Variants in BBS2 observed in about 807,000 individuals in gnomAD.
The protein encoded by BBS2 is Bardet-Biedl syndrome 2, also known as BBSome complex member BBS2.
Under a neutral mutation model 83.0 loss-of-function variants are expected in BBS2, and 62 were observed. The observed-to-expected ratio is 0.75, with a 90% CI of 0.61 to 0.92. The LOEUF (loss-of-function observed/expected upper bound fraction) is 0.92. BBS2 is among the 40% of genes least tolerant of loss of function. BBS2 has a pLI of 0.00. For synonymous variants in BBS2, 303 were observed against 326.1 expected, an observed-to-expected ratio of 0.93 and a Z score of 0.76; for missense variants, 784 against 901.0, an observed-to-expected ratio of 0.87 and a Z score of 1.66.
At chr16:56,516,561 T>G (rs1964754650) in intron 1 of BBS2, among the ~76,000 whole-genome samples, 1 of 152,100 alleles carries the variant, frequency 6.6e-6, no homozygotes. Flanking sequence ...TACGCCCAGC[T>G]AATTTTTGTA....
chr16:56,510,298 T>C (rs1257681603), intron 4 of BBS2, among the ~76,000 whole-genome samples: 1 of 152,196 alleles, frequency 6.6e-6, no homozygotes, highest in Non-Finnish European at 1.5e-5. Flanking sequence ...CCTGAGTACC[T>C]GAAAAGGCTC....
At position 56,519,934 on chromosome 16, in the gene BBS2, G is replaced by T. The variant is rs989121506; in HGVS notation, c.-72C>A. 3 of 1,339,476 alleles carry T rather than the reference G, an allele frequency of 2.2e-6. No homozygotes were observed. Among genetic ancestry groups the T allele is most frequent in the African/African-American group, 1.4e-5 (1 of 69,348 alleles). 83.0% of individuals were successfully genotyped at this position (1,339,476 alleles called of 1,614,324 possible). On this transcript the variant is annotated 5_prime_UTR_variant, in exon 1 of 17. Coordinates refer to ENST00000245157, the MANE Select transcript of BBS2 (RefSeq NM_031885.5). Reference sequence around the variant, plus strand: ...CAGCGGAGCTGGCCTCACGCGCCCGGGCAAGAAGTGCAGGGACACTACCTG... The same window carrying T: ...CAGCGGAGCTGGCCTCACGCGCCCGTGCAAGAAGTGCAGGGACACTACCTG...
In BBS2 at chr16:56,502,407, G is replaced by A. The variant is rs2144148961; in HGVS notation, c.990C>T (p.Asp330=). 2 of 1,614,212 alleles carry A rather than the reference G, an allele frequency of 1.2e-6. No homozygotes were observed. The highest frequency in any genetic ancestry group is 1.7e-6 in the Non-Finnish European group (2 of 1,180,036). The change falls in exon 9 of 17, where the codon GAC becomes GAT. Residue 330 remains aspartate (D), a synonymous_variant. Transcript: ENST00000245157. The part of the protein sequence containing the change: ...GTAEMRGNLM[D]TSAEQDLIRE... Reference sequence around the variant, plus strand: ...GGATCAGGTCCTGCTCTGCACTGGTGTCCATGAGGTTGCCCCTCATCTCAG... The same window carrying A: ...GGATCAGGTCCTGCTCTGCACTGGTATCCATGAGGTTGCCCCTCATCTCAG...
At chr16:56,492,621 G>A (rs1009677400) in intron 15 of BBS2, among the ~76,000 whole-genome samples, 2 of 152,120 alleles carry the variant, frequency 1.3e-5, no homozygotes, top group South Asian at 4.1e-4. Context: ...TTAAAAATGT[G>A]TTAAGAAGGT....
At chr16:56,497,234 C>A in intron 14 of BBS2, 155 bp from the exon 15 acceptor site, 1 of 685,132 alleles carries the variant, frequency 1.5e-6, no homozygotes, top group Non-Finnish European at 2.7e-6. Context: ...ATCTCTGTCT[C>A]AACAAGTTAA....
chr16:56,492,606 T>C (rs893888919), intron 15 of BBS2, among the ~76,000 whole-genome samples: 10 of 152,218 alleles, frequency 6.6e-5, no homozygotes, highest in Non-Finnish European at 1.2e-4. Context: ...TAATGTATTA[T>C]ACACTTAAAA....
chr16:56,494,317 G>C (rs569357923), intron 15 of BBS2, among the ~76,000 whole-genome samples: 1 of 151,346 alleles, frequency 6.6e-6, no homozygotes, highest in Non-Finnish European at 1.5e-5. Flanking sequence ...TAATAAAATC[G>C]AAGAGCCTAT....
intron 15 of BBS2, among the ~76,000 whole-genome samples, chr16:56,490,400 G>A (rs986742801): frequency 3.3e-5 from 5 of 152,058 alleles, no homozygotes; most frequent in South Asian, 4.1e-4. Flanking sequence ...GCTCACACCC[G>A]TAATCCCAGC....
chr16:56,484,005 TA>T (rs1963705262), downstream of BBS2, among the ~76,000 whole-genome samples: 1 of 92,802 alleles, frequency 1.1e-5, no homozygotes. Context: ...TCAGCCCAAA[TA>T]TTTTTTTTTT....
At chr16:56,475,381 T>C (rs978040703) in intron 17 of BBS2, 2 of 856,422 alleles carry the variant, frequency 2.3e-6, no homozygotes, top group Admixed American at 3.9e-5. Context: ...TCATAAGTCA[T>C]AGAACCAGTT....
At chr16:56,492,275 A>G (rs1963977516) in intron 15 of BBS2, among the ~76,000 whole-genome samples, 1 of 152,212 alleles carries the variant, frequency 6.6e-6, no homozygotes. Flanking sequence ...GTTCATCAAC[A>G]GGTGAATGGA....
intron 9 of BBS2, 23 bp downstream of exon 9, chr16:56,502,294 G>C: frequency 2.5e-6 from 4 of 1,613,908 alleles, no homozygotes; most frequent in Non-Finnish European, 3.4e-6. Context: ...CCATTACCTG[G>C]TCACATTAGG....
intron 7 of BBS2, among the ~76,000 whole-genome samples, chr16:56,503,742 AC>A (rs1368125804): frequency 7.2e-5 from 11 of 152,246 alleles, no homozygotes; most frequent in African/African-American, 1.9e-4. Context: ...ACATGGTGAA[AC>A]CCTGTCTGTA....
intron 15 of BBS2, 91 bp from the exon 16 acceptor site, chr16:56,485,829 GAC>G: frequency 6.7e-6 from 8 of 1,191,642 alleles, no homozygotes; most frequent in Non-Finnish European, 9.9e-6. Flanking sequence ...ACAAAGAAAA[GAC>G]ACCATTTTTA....
chr16:56,485,834 C>T, intron 15 of BBS2, 96 bp from the exon 16 acceptor site: 2 of 1,095,496 alleles, frequency 1.8e-6, no homozygotes, highest in Non-Finnish European at 2.8e-6. Flanking sequence ...GAAAAGACAC[C>T]ATTTTTAAGC....
At chr16:56,470,962 A>C (rs1198083982) in intron 17 of BBS2, among the ~76,000 whole-genome samples, 2 of 152,194 alleles carry the variant, frequency 1.3e-5, no homozygotes, top group Non-Finnish European at 2.9e-5. Context: ...ATTCTAGTAG[A>C]AGAAGACAGA....
At position 56,500,697 on chromosome 16, in the gene BBS2, A is replaced by G. The variant is rs561092952; in HGVS notation, c.1397+157T>C. The stretch of plus-strand genomic sequence containing the variant: ...TTCCATTTTCTTTTTACAGGTTTCA[A>G]ACTGAGGAAATAAAAGGTCATGAGA... On this transcript the variant is annotated intron_variant, in intron 11 of 16. Transcript: ENST00000245157. The G allele has an allele frequency of 1.2e-4, 85 of 693,230 alleles. 1 individual carries two copies. Among genetic ancestry groups the G allele is most frequent in the African/African-American group, 1.2e-3 (67 of 55,424 alleles). 42.9% of individuals were successfully genotyped at this position (693,230 alleles called of 1,614,324 possible). A position where few individuals can be genotyped will look rare whatever the true frequency, so the allele number is the denominator to read the frequency against.
intron 2 of BBS2, among the ~76,000 whole-genome samples, chr16:56,514,214 T>C (rs1964664101): frequency 6.6e-6 from 1 of 152,208 alleles, no homozygotes; most frequent in South Asian, 2.1e-4. Flanking sequence ...GATGGCAGTA[T>C]CACAGATATA....
chr16:56,508,512 C>A (rs1964487201), intron 5 of BBS2, among the ~76,000 whole-genome samples: 3 of 152,070 alleles, frequency 2.0e-5, no homozygotes, highest in Admixed American at 6.5e-5. Flanking sequence ...TTGAGTCTTG[C>A]CCAATCCTGG....
Sources: allele counts gnomAD v4.1 joint callset (sites outside exome capture counted in the v4.1 genomes callset), GRCh38; gene constraint gnomAD v4.1.1; transcripts MANE v1.5; gene names NCBI Gene and HGNC (gene_info 2026-07-23, HGNC 2026-07-21).